The following TRAPPC9 variants were observed in gnomAD, a reference collection of about 807,000 sequenced individuals.
TRAPPC9 encodes IKK2 binding protein.
In TRAPPC9, 83 loss-of-function variants were observed where a neutral mutation model predicts 124.0. The ratio of observed to expected loss-of-function variants is 0.67; its 90% CI spans 0.56 to 0.80. The LOEUF is 0.80. Among genes scored for constraint, TRAPPC9 ranks in the 30% least tolerant of loss-of-function variants. The pLI is 0.00. For synonymous variants in TRAPPC9, 638 were observed against 617.5 expected (o/e 1.03, Z -0.49); for missense variants, 1,302 against 1,508.3 (o/e 0.86, Z 2.27).
chr8:139,917,475 C>T (rs567685084), intron 19 of TRAPPC9, among the ~76,000 whole-genome samples: 94 of 152,204 alleles, frequency 6.2e-4, no homozygotes, highest in African/African-American at 1.7e-3. Flanking sequence ...CCACCGCACC[C>T]GGCCATTATT....
chr8:139,995,582 T>C (rs1217752805), intron 18 of TRAPPC9, among the ~76,000 whole-genome samples: 1 of 152,164 alleles, frequency 6.6e-6, no homozygotes, highest in Non-Finnish European at 1.5e-5. Flanking sequence ...GCTCATATCC[T>C]GCCTTTGTAG....
intron 13 of TRAPPC9, among the ~76,000 whole-genome samples, chr8:140,286,448 G>A (rs570299875): frequency 2.0e-5 from 3 of 152,306 alleles, no homozygotes; most frequent in Admixed American, 1.3e-4. Flanking sequence ...AGCAAGACCA[G>A]GGCAAAAACA....
chr8:140,185,317 T>C (rs1262341499), intron 17 of TRAPPC9, among the ~76,000 whole-genome samples: 3 of 152,168 alleles, frequency 2.0e-5, no homozygotes, highest in Non-Finnish European at 4.4e-5. Flanking sequence ...CAGGGAATGC[T>C]GGACAGGCCC....
chr8:140,298,163 T>G (rs1169011879), intron 11 of TRAPPC9, among the ~76,000 whole-genome samples: 1 of 152,230 alleles, frequency 6.6e-6, no homozygotes, highest in Non-Finnish European at 1.5e-5. Context: ...TGATTACCAT[T>G]TTTAAAAGCA....
chr8:139,919,079 C>A (rs1832337641), intron 19 of TRAPPC9, among the ~76,000 whole-genome samples: 2 of 152,234 alleles, frequency 1.3e-5, no homozygotes, highest in Admixed American at 1.3e-4. Context: ...CAGGCGCCCA[C>A]CACTGCTCTC....
chr8:139,982,764 A>AT (rs772442536), intron 19 of TRAPPC9, among the ~76,000 whole-genome samples: 5 of 152,246 alleles, frequency 3.3e-5, no homozygotes, highest in Non-Finnish European at 7.3e-5. Flanking sequence ...TCAGTATTCC[A>AT]TTGTAAAGTA....
At position 140,272,120 on chromosome 8, in the gene TRAPPC9, G is replaced by GTGATAGTGATTATGGTGGTGGCAATGA. The variant is rs1554657930; in HGVS notation, c.2278+3537_2278+3538insTCATTGCCACCACCATAATCACTATCA. ...TGAGGTGATTGTGGTGGTGGCAATG[G>GTGATAGTGATTATGGTGGTGGCAATGA]TGATGGTGGCGATGGTGATGGTGAT... On this transcript the variant is annotated intron_variant, in intron 15 of 22. Coordinates refer to ENST00000438773, the MANE Select transcript of TRAPPC9 (RefSeq NM_001160372.4). Among the ~76,000 whole-genome samples, 931 of 126,306 alleles carry GTGATAGTGATTATGGTGGTGGCAATGA rather than the reference G, an allele frequency of 7.4e-3. 14 individuals are homozygous for GTGATAGTGATTATGGTGGTGGCAATGA. The highest frequency in any genetic ancestry group is 0.028 in the South Asian group (116 of 4,120). The allele number at this position is 126,306 out of a possible 152,430, so 82.9% of individuals were successfully genotyped here.
intron 21 of TRAPPC9, among the ~76,000 whole-genome samples, chr8:139,736,756 A>G (rs1405571115): frequency 6.6e-6 from 1 of 152,142 alleles, no homozygotes; most frequent in East Asian, 1.9e-4. Flanking sequence ...CCCGGGTAGG[A>G]TTCGTGACCC....
intron 17 of TRAPPC9, among the ~76,000 whole-genome samples, chr8:140,131,853 C>T (rs980193179): frequency 2.6e-5 from 4 of 152,204 alleles, no homozygotes; most frequent in Admixed American, 2.0e-4. Flanking sequence ...CCTAATCTGG[C>T]CTAAAGCTTA....
At chr8:139,884,357 C>A (rs1829867150) in intron 21 of TRAPPC9, among the ~76,000 whole-genome samples, 1 of 152,180 alleles carries the variant, frequency 6.6e-6, no homozygotes. Context: ...CATCTCAAAA[C>A]CCTTACCTGG....
chr8:140,286,125 G>A (rs1280752715), intron 13 of TRAPPC9, among the ~76,000 whole-genome samples: 2 of 152,260 alleles, frequency 1.3e-5, no homozygotes, highest in Non-Finnish European at 2.9e-5. Flanking sequence ...AGCCTGTGCT[G>A]AGGACTGAGG....
At chr8:140,431,225 G>A (rs2070632371) in intron 4 of TRAPPC9, among the ~76,000 whole-genome samples, 3 of 151,968 alleles carry the variant, frequency 2.0e-5, no homozygotes, top group Admixed American at 2.0e-4. Flanking sequence ...GGGAGGCCAA[G>A]GCAGGCGGAT....
chr8:140,129,127 A>G (rs2061154193), intron 17 of TRAPPC9, among the ~76,000 whole-genome samples: 1 of 151,996 alleles, frequency 6.6e-6, no homozygotes, highest in Non-Finnish European at 1.5e-5. Flanking sequence ...TCACCTCTAA[A>G]GCATATGCTA....
intron 22 of TRAPPC9, 96 bp downstream of exon 22, chr8:139,731,882 TG>T: frequency 8.8e-7 from 1 of 1,141,672 alleles, no homozygotes. Context: ...TATCGTCTGC[TG>T]GACATATGCT....
intron 5 of TRAPPC9, among the ~76,000 whole-genome samples, chr8:140,410,141 CAAAAA>C (rs61149910): frequency 4.3e-5 from 3 of 70,218 alleles, no homozygotes; most frequent in African/African-American, 9.3e-5. Flanking sequence ...ACCTTGTCTC[CAAAAA>C]AAAAAAAAAA....
chr8:140,404,797 T>C (rs1013371911), intron 6 of TRAPPC9, among the ~76,000 whole-genome samples: 11 of 150,166 alleles, frequency 7.3e-5, no homozygotes, highest in East Asian at 5.8e-4. Context: ...TGTATGTATG[T>C]GTGTGTGAAC....
At chr8:140,164,098 C>A (rs990188621) in intron 17 of TRAPPC9, among the ~76,000 whole-genome samples, 1 of 152,176 alleles carries the variant, frequency 6.6e-6, no homozygotes, top group Non-Finnish European at 1.5e-5. Flanking sequence ...ATGTACTCAG[C>A]AAACACAGCG....
intron 21 of TRAPPC9, among the ~76,000 whole-genome samples, chr8:139,785,435 C>T (rs1165532519): frequency 6.6e-6 from 1 of 152,172 alleles, no homozygotes; most frequent in Non-Finnish European, 1.5e-5. Flanking sequence ...GGGTGGCTCA[C>T]ACCTGTAATC....
intron 15 of TRAPPC9, among the ~76,000 whole-genome samples, chr8:140,272,276 ACGATGGTGGTGG>A (rs2064951684): frequency 1.6e-5 from 2 of 127,710 alleles, no homozygotes; most frequent in African/African-American, 5.7e-5. Flanking sequence ...TGTGGTGGTG[ACGATGGTGGTGG>A]CAGTTGTGAC....
Sources: gnomAD v4.1 joint callset for allele counts (sites outside exome capture counted in the v4.1 genomes callset) on GRCh38, gnomAD v4.1.1 for gene constraint, MANE v1.5 for transcripts, NCBI Gene and HGNC (gene_info 2026-07-23, HGNC 2026-07-21) for gene names.